Variants in KLK12 observed in about 807,000 individuals in gnomAD.
The protein encoded by KLK12 is kallikrein related peptidase 12.
A neutral mutation model predicts 20.0 loss-of-function variants in KLK12; 23 were observed. The ratio of observed to expected loss-of-function variants is 1.15; its 90% CI spans 0.83 to 1.63. The LOEUF (loss-of-function observed/expected upper bound fraction) is 1.63, where lower values mean the gene tolerates loss of function less well. KLK12 is among the 40% of genes most tolerant of loss of function. KLK12 has a pLI of 0.00. For missense variants in KLK12, 351 were observed against 338.6 expected, an observed-to-expected ratio of 1.04 and a Z score of -0.29; for synonymous variants, 147 against 141.9, an observed-to-expected ratio of 1.04 and a Z score of -0.25.
rs144479644 is a variant in KLK12, at chr19:51,034,999, C to T, written c.-213G>A. 276 of 1,130,986 alleles carry T rather than the reference C, an allele frequency of 2.4e-4. No homozygotes were observed. The highest frequency in any genetic ancestry group is 4.0e-4 in the Middle Eastern group (1 of 2,512). The allele number at this position is 1,130,986 out of a possible 1,614,324, so 70.1% of individuals were successfully genotyped here. A position where few individuals can be genotyped will look rare whatever the true frequency, so the allele number is the denominator to read the frequency against. ...AACCGGTCCCTTTCCTTCCATCTGT[C>T]GCTCCAGACAGACCACTGACAAAGC... On this transcript the variant is annotated 5_prime_UTR_variant, in exon 1 of 6. Transcript: ENST00000684732.
chr19:51,030,675 C>T, intron 5 of KLK12, 113 bp downstream of exon 5: 1 of 1,454,760 alleles, frequency 6.9e-7, no homozygotes, highest in Non-Finnish European at 9.5e-7. Context: ...GACCCCGTCT[C>T]TCTGCAGCAT....
chr19:51,032,002 G>C lies in KLK12; in HGVS notation c.331C>G (p.Leu111Val). 6.2e-7 allele frequency: 1 copy of C among 1,612,714 alleles called. No individual in the cohort carries two copies. The change falls in exon 4 of 6, where the codon CTG becomes GTG. Residue 111 changes from leucine (L) to valine (V), a missense_variant. Leu to Val is a conservative substitution (Grantham distance 32). Coordinates refer to ENST00000684732, the MANE Select transcript of KLK12 (RefSeq NM_001370125.1). ...CGGACGGGCAGGCGCAGCCGCAGCA[G>C]CCGGAGGTCGTGCTCGTGGCTCGTC... is the stretch of plus-strand genomic sequence containing the variant. ...ASTSHEHDLR[L>V]LRLRLPVRVT...
intron 2 of KLK12, chr19:51,034,344 G>A (rs2091591055): frequency 8.2e-7 from 1 of 1,224,954 alleles, no homozygotes; most frequent in African/African-American, 1.5e-5. Flanking sequence ...ACACATAGGA[G>A]GGAAATGGAG....
chr19:51,029,505 C>A (rs2091530329), intron 5 of KLK12, 48 bp from the exon 6 acceptor site: 1 of 1,494,056 alleles, frequency 6.7e-7, no homozygotes, highest in African/African-American at 1.4e-5. Context: ...CATCTTATTT[C>A]TGTTTTCCTC....
At chr19:51,033,835 AG>A in intron 3 of KLK12, 144 bp downstream of exon 3, 1 of 877,648 alleles carries the variant, frequency 1.1e-6, no homozygotes, top group Non-Finnish European at 1.8e-6. Flanking sequence ...CCCACTGCTA[AG>A]GAAGTTCCAC....
In KLK12 at chr19:51,032,040, T is replaced by C; in HGVS notation, c.293A>G (p.Tyr98Cys). 3 of 1,606,696 alleles carry C rather than the reference T, an allele frequency of 1.9e-6. No homozygotes were observed. Among genetic ancestry groups the C allele is most frequent in the Non-Finnish European group, 2.5e-6 (3 of 1,178,164 alleles). The change falls in exon 4 of 6, where the codon TAC becomes TGC. Residue 98 changes from tyrosine to cysteine, a missense_variant. Tyr to Cys is a radical substitution (Grantham distance 194). Transcript: ENST00000684732. ...CTCGTGGCTCGTCGAGGCTCCCAGG[T>C]AGCCGGGATGGGTCACAGAGAAGCC... ...HSGFSVTHPG[Y>C]LGASTSHEHD...
In KLK12 at chr19:51,029,282, G is replaced by A. The variant is rs938746448; in HGVS notation, c.*20C>T. 1 of 1,613,904 alleles carries A rather than the reference G, an allele frequency of 6.2e-7. No individual in the cohort carries two copies. Among genetic ancestry groups the A allele is most frequent in the African/African-American group, 1.3e-5 (1 of 74,868 alleles). On this transcript the variant is annotated 3_prime_UTR_variant, in exon 6 of 6. Coordinates refer to ENST00000684732, the MANE Select transcript of KLK12 (RefSeq NM_001370125.1). ...GGGGTACCCAAGTTAAGGGGTGGGG[G>A]TGGAGGTGGAGGAAACAGGTCAGTT... is the stretch of plus-strand genomic sequence containing the variant.
intron 5 of KLK12, 40 bp downstream of exon 5, chr19:51,030,748 C>T (rs1469947574): frequency 2.5e-6 from 4 of 1,611,584 alleles, no homozygotes; most frequent in Non-Finnish European, 3.4e-6. Context: ...CCCTTCACTT[C>T]CTGTCCTGGT....
intron 3 of KLK12, among the ~76,000 whole-genome samples, chr19:51,032,872 C>G (rs374684015): frequency 6.6e-6 from 1 of 152,140 alleles, no homozygotes; most frequent in African/African-American, 2.4e-5. Flanking sequence ...TGCTGGCCCT[C>G]TCTCTCCCTG....
intron 5 of KLK12, 133 bp from the exon 6 acceptor site, chr19:51,029,590 T>C (rs938504550): frequency 1.4e-6 from 1 of 737,672 alleles, no homozygotes; most frequent in Non-Finnish European, 2.4e-6. Flanking sequence ...GTATAATCAC[T>C]TTCCCGGAGG....
intron 5 of KLK12, chr19:51,030,183 C>G (rs2091541044): frequency 6.5e-6 from 1 of 154,384 alleles, no homozygotes; most frequent in Non-Finnish European, 1.5e-5. Context: ...TTTGCTGTCT[C>G]TCTCTGTAAC....
Position 51,034,980 on chromosome 19 carries a change from T to A in KLK12, c.-194A>T. On this transcript the variant is annotated 5_prime_UTR_variant, in exon 1 of 6. Coordinates refer to ENST00000684732, the MANE Select transcript of KLK12 (RefSeq NM_001370125.1). ...GCCACCTGTCATGTTGCTCAACCGG[T>A]CCCTTTCCTTCCATCTGTCGCTCCA... 2.6e-6 allele frequency: 3 copies of A among 1,169,418 alleles called. No homozygotes were observed. The South Asian group carries it at 6.8e-5, about 27-fold the overall frequency. 72.4% of individuals were successfully genotyped at this position (1,169,418 alleles called of 1,614,324 possible). A position where few individuals can be genotyped will look rare whatever the true frequency, so the allele number is the denominator to read the frequency against.
intron 4 of KLK12, 60 bp downstream of exon 4, chr19:51,031,816 G>T (rs571838159): frequency 7.0e-6 from 11 of 1,566,920 alleles, no homozygotes; most frequent in African/African-American, 1.4e-5. Flanking sequence ...TCGACCTCTC[G>T]CCCTGCATCC....
At chr19:51,033,127 G>A (rs1358860327) in intron 3 of KLK12, among the ~76,000 whole-genome samples, 2 of 150,852 alleles carry the variant, frequency 1.3e-5, no homozygotes, top group Non-Finnish European at 2.9e-5. Context: ...GAGGTGTGAG[G>A]ATCACTTGAG....
chr19:51,030,347 T>TATTATTA (rs1328969158), intron 5 of KLK12, among the ~76,000 whole-genome samples: 2 of 148,232 alleles, frequency 1.3e-5, no homozygotes, highest in Non-Finnish European at 3.0e-5. Context: ...TTATTATTAT[T>TATTATTA]ATTATTAATT....
In KLK12 at chr19:51,030,400, A is replaced by G. The variant is rs535281506; in HGVS notation, c.591+388T>C. Among the ~76,000 whole-genome samples the G allele has an allele frequency of 2.0e-5, 3 of 151,184 alleles. No homozygotes were observed. The East Asian group carries it at 5.8e-4, about 29-fold the overall frequency. On this transcript the variant is annotated intron_variant, in intron 5 of 5. Transcript: ENST00000684732. ...AGTCTGGCTCTGTCGCCCAGGCTGG[A>G]GTGCAGTGGCGTGATCTCAGCTCAC...
At chr19:51,033,326 G>A (rs1207507462) in intron 3 of KLK12, among the ~76,000 whole-genome samples, 1 of 151,706 alleles carries the variant, frequency 6.6e-6, no homozygotes, top group Non-Finnish European at 1.5e-5. Context: ...AAGAGTTTGG[G>A]TCATGTTGGC....
Position 51,029,380 on chromosome 19 carries a change from T to A in KLK12, c.669A>T (p.Gly223=). ...LVSWGSVGPC[G]QDGIPGVYTY... ...TGTAGACTCCAGGGATGCCATCTTGTCCACAGGGCCCCACAGACCCCCAGG... is the reference window on the plus strand; with the variant it reads ...TGTAGACTCCAGGGATGCCATCTTGACCACAGGGCCCCACAGACCCCCAGG... The change falls in exon 6 of 6, where the codon GGA becomes GGT. Residue 223 remains glycine (G), a synonymous_variant. Transcript: ENST00000684732. 1 of 1,613,202 alleles carries A rather than the reference T, an allele frequency of 6.2e-7. No homozygotes were observed. The highest frequency in any genetic ancestry group is 8.5e-7 in the Non-Finnish European group (1 of 1,179,638).
chr19:51,029,481 C>CT, intron 5 of KLK12, 24 bp from the exon 6 acceptor site: 1 of 1,576,910 alleles, frequency 6.3e-7, no homozygotes, highest in East Asian at 2.2e-5. Flanking sequence ...GAAGTACTGT[C>CT]TGAACAAGGG....
Sources: gnomAD v4.1 joint callset for allele counts (sites outside exome capture counted in the v4.1 genomes callset) on GRCh38, gnomAD v4.1.1 for gene constraint, MANE v1.5 for transcripts, NCBI Gene and HGNC (gene_info 2026-07-23, HGNC 2026-07-21) for gene names.